Variants in CCDC197 observed in about 807,000 individuals in gnomAD.
CCDC197 encodes the protein coiled-coil domain containing 197, also known as uncharacterized protein CCDC197.
CCDC197 carries 24 observed loss-of-function variants against 13.4 expected under a neutral mutation model. The ratio of observed to expected loss-of-function variants is 1.80; its 90% CI spans 1.30 to 2.53. CCDC197 has a LOEUF of 2.53. CCDC197 is among the 30% of genes most tolerant of loss of function. The pLI, the probability that CCDC197 is intolerant of heterozygous loss-of-function variation, is 0.00. For missense variants in CCDC197, 255 were observed against 148.8 expected, an observed-to-expected ratio of 1.71 and a Z score of -3.71; for synonymous variants, 99 against 55.5, an observed-to-expected ratio of 1.78 and a Z score of -3.48.
chr14:94,000,416 G>A (rs35813126), intron 3 of CCDC197, among the ~76,000 whole-genome samples: 1,753 of 152,246 alleles, frequency 0.012, 33 homozygotes, highest in African/African-American at 0.039. Context: ...AATGAGAGGA[G>A]CTATGGAAAC....
In CCDC197 at chr14:93,991,540, G is replaced by A. The variant is rs151106290; in HGVS notation, c.-107+4144G>A. ...GTCTGTATGCATACATCTATCGAGC[G>A]CCTGCTGTGGGTCCAGTACTATTCT... is the stretch of plus-strand genomic sequence containing the variant. On this transcript the variant is annotated intron_variant, in intron 1 of 7. Transcript: ENST00000640978. Among the ~76,000 whole-genome samples the A allele has an allele frequency of 2.4e-4, 37 of 152,330 alleles. 1 individual carries two copies. Among genetic ancestry groups the A allele is most frequent in the Admixed American group, 1.4e-3 (22 of 15,304 alleles).
upstream of CCDC197, among the ~76,000 whole-genome samples, chr14:93,994,958 T>A (rs1890256270): frequency 6.6e-6 from 1 of 152,150 alleles, no homozygotes. Context: ...GATCTTGACT[T>A]TCTGGATTAA....
chr14:94,002,851 C>CAAAAA (rs759127379), intron 4 of CCDC197, among the ~76,000 whole-genome samples: 48 of 108,058 alleles, frequency 4.4e-4, no homozygotes, highest in African/African-American at 1.4e-3. Context: ...GAGACTGTCT[C>CAAAAA]AAAAAAAAAA....
At chr14:93,995,398 C>T (rs946876065), upstream of CCDC197, among the ~76,000 whole-genome samples, 1 of 152,180 alleles carries the variant, frequency 6.6e-6, no homozygotes, top group African/African-American at 2.4e-5. Context: ...AACAAGGCCC[C>T]TACAGAATGG....
upstream of CCDC197, among the ~76,000 whole-genome samples, chr14:93,992,538 C>T (rs769257802): frequency 6.6e-6 from 1 of 152,196 alleles, no homozygotes; most frequent in Non-Finnish European, 1.5e-5. Flanking sequence ...TGCCCCTCAG[C>T]CCTGGTTCCC....
At chr14:93,995,326 G>A (rs959028878), upstream of CCDC197, among the ~76,000 whole-genome samples, 2 of 152,184 alleles carry the variant, frequency 1.3e-5, no homozygotes, top group South Asian at 2.1e-4. Context: ...CAGGCATCAC[G>A]GTGGCCAGGA....
At chr14:93,988,423 G>A (rs1474184360) in intron 1 of CCDC197, among the ~76,000 whole-genome samples, 1 of 89,438 alleles carries the variant, frequency 1.1e-5, no homozygotes, top group African/African-American at 4.9e-5. Context: ...GATGGGAGGA[G>A]CAGATGGGAG....
In CCDC197 at chr14:93,998,162, G is replaced by A; in HGVS notation, c.31G>A (p.Asp11Asn). Reference sequence around the variant, plus strand: ...AGCCATGGACACAGGCCAGAGAGCTGACCCAAGCAATCCTGGTGACAAGGA... The same window carrying A: ...AGCCATGGACACAGGCCAGAGAGCTAACCCAAGCAATCCTGGTGACAAGGA... MAAMDTGQRA[D>N]PSNPGDKEGD... Residue 11 changes from aspartate to asparagine, a missense_variant, in exon 2 of 7, where the codon GAC becomes AAC. Coordinates refer to ENST00000636493, the MANE Select transcript of CCDC197 (RefSeq NM_001351596.2). The A allele has an allele frequency of 2.6e-6, 2 of 780,844 alleles. No homozygotes were observed. The highest frequency in any genetic ancestry group is 4.8e-6 in the Non-Finnish European group (2 of 418,124). The allele number at this position is 780,844 out of a possible 1,614,324, so 48.4% of individuals were successfully genotyped here.
intron 6 of CCDC197, among the ~76,000 whole-genome samples, chr14:94,005,301 C>T (rs1226909530): frequency 1.3e-5 from 2 of 152,208 alleles, no homozygotes; most frequent in African/African-American, 4.8e-5. Context: ...GCTTTCTGCA[C>T]ACCCACACAT....
At chr14:94,002,388 C>G (rs113378520) in intron 4 of CCDC197, among the ~76,000 whole-genome samples, 1 of 151,788 alleles carries the variant, frequency 6.6e-6, no homozygotes, top group Admixed American at 6.6e-5. Flanking sequence ...TCCCAGGCTC[C>G]AGCGATTTTC....
rs956442073 is a variant in CCDC197, at chr14:93,999,514, G to C, written c.105-69G>C. On this transcript the variant is annotated intron_variant, in intron 2 of 6. Coordinates refer to ENST00000636493, the MANE Select transcript of CCDC197 (RefSeq NM_001351596.2). ...GCAGGAGATCACAGAGGGTGGTCCAGGTTCATTCACAGGGGGTCCTGCGTG... is the reference window on the plus strand; with the variant it reads ...GCAGGAGATCACAGAGGGTGGTCCACGTTCATTCACAGGGGGTCCTGCGTG... The C allele has an allele frequency of 2.5e-5, 19 of 771,768 alleles. No homozygotes were observed. In the African/African-American group the frequency reaches 3.2e-4, roughly 13 times the overall value. The allele number at this position is 771,768 out of a possible 1,614,324, so 47.8% of individuals were successfully genotyped here. A position where few individuals can be genotyped will look rare whatever the true frequency, so the allele number is the denominator to read the frequency against.
At chr14:93,989,735 C>T (rs373451655) in intron 1 of CCDC197, among the ~76,000 whole-genome samples, 1 of 152,190 alleles carries the variant, frequency 6.6e-6, no homozygotes, top group African/African-American at 2.4e-5. Context: ...CTTTGCTGAA[C>T]CAGCCCCGAT....
At chr14:94,009,969 ACAGTGGTGAGT>A (rs1890781722), downstream of CCDC197, among the ~76,000 whole-genome samples, 1 of 152,214 alleles carries the variant, frequency 6.6e-6, no homozygotes, top group South Asian at 2.1e-4. Flanking sequence ...TGAGCTGTGA[ACAGTGGTGAGT>A]CAGCACATGA....
downstream of CCDC197, among the ~76,000 whole-genome samples, chr14:94,010,867 C>T (rs1357181053): frequency 6.6e-6 from 1 of 152,164 alleles, no homozygotes; most frequent in Non-Finnish European, 1.5e-5. Context: ...TTAATCTTCC[C>T]CAGTGCAGAG....
upstream of CCDC197, among the ~76,000 whole-genome samples, chr14:93,993,901 G>A (rs980835471): frequency 1.1e-4 from 16 of 152,294 alleles, no homozygotes; most frequent in African/African-American, 3.4e-4. Context: ...GCCCCTCACC[G>A]CTGTGGAACC....
At chr14:93,987,569 C>T (rs1046525674) in intron 1 of CCDC197, among the ~76,000 whole-genome samples, 2 of 152,196 alleles carry the variant, frequency 1.3e-5, no homozygotes, top group African/African-American at 4.8e-5. Context: ...TCCCTTGGGC[C>T]GTCTGGGCCC....
chr14:94,001,755 C>T (rs889862925), intron 4 of CCDC197: 4 of 155,164 alleles, frequency 2.6e-5, no homozygotes, highest in African/African-American at 7.2e-5. Flanking sequence ...CCCTTCCCTT[C>T]CTTTGTAGTT....
chr14:93,998,860 G>A (rs80198823), intron 2 of CCDC197, among the ~76,000 whole-genome samples: 1 of 152,176 alleles, frequency 6.6e-6, no homozygotes, highest in East Asian at 1.9e-4. Context: ...GAGAAGCAGA[G>A]GGGCTTGCCC....
chr14:94,003,387 T>C lies in CCDC197; in HGVS notation c.498+33T>C. The C allele has an allele frequency of 2.9e-6, 2 of 699,556 alleles. No homozygotes were observed. Among genetic ancestry groups the C allele is most frequent in the Non-Finnish European group, 5.3e-6 (2 of 377,726 alleles). The allele number at this position is 699,556 out of a possible 1,614,324, so 43.3% of individuals were successfully genotyped here. A position where few individuals can be genotyped will look rare whatever the true frequency, so the allele number is the denominator to read the frequency against. ...CAGTCTTTCAGCCTGGGGGTGGGGTTAGGGGTGGGGAAGGGGAAGCTGATG... is the reference window on the plus strand; with the variant it reads ...CAGTCTTTCAGCCTGGGGGTGGGGTCAGGGGTGGGGAAGGGGAAGCTGATG... On this transcript the variant is annotated intron_variant, in intron 5 of 6. Coordinates refer to ENST00000636493, the MANE Select transcript of CCDC197 (RefSeq NM_001351596.2). This position sits in a 1 kb window ranked among gnomAD's most constrained non-coding sequence, Gnocchi z 5.0.
Sources: allele counts gnomAD v4.1 joint callset (sites outside exome capture counted in the v4.1 genomes callset), GRCh38; gene constraint gnomAD v4.1.1; non-coding constraint Gnocchi (gnomAD v3.1); transcripts MANE v1.5; gene names NCBI Gene and HGNC (gene_info 2026-07-23, HGNC 2026-07-21).